Variants in RETSAT observed in about 807,000 individuals in gnomAD.
The protein encoded by RETSAT is retinol saturase.
A neutral mutation model predicts 61.6 loss-of-function variants in RETSAT; 35 were observed. The ratio of observed to expected loss-of-function variants is 0.57; its 90% CI spans 0.43 to 0.75. The LOEUF (loss-of-function observed/expected upper bound fraction) is 0.75. Among genes scored for constraint, RETSAT ranks in the 30% least tolerant of loss-of-function variants. The probability of loss-of-function intolerance (pLI) is 0.00; values close to 1 mark genes in which losing one functional copy is unlikely to be tolerated. For synonymous variants in RETSAT, 277 were observed against 310.4 expected, an observed-to-expected ratio of 0.89 and a Z score of 1.13; for missense variants, 670 against 759.5, an observed-to-expected ratio of 0.88 and a Z score of 1.38.
rs1308326034 is a variant in RETSAT at position 85,342,585 on chromosome 2, A to C, written c.*657T>G. The C allele has an allele frequency of 4.0e-5, 6 of 151,730 alleles. No individual in the cohort carries two copies. Among genetic ancestry groups the C allele is most frequent in the African/African-American group, 1.5e-4 (6 of 41,136 alleles). The allele number at this position is 151,730 out of a possible 1,614,324, so 9.4% of individuals were successfully genotyped here. On this transcript the variant is annotated 3_prime_UTR_variant, in exon 11 of 11. Coordinates refer to ENST00000295802, the MANE Select transcript of RETSAT (RefSeq NM_017750.4). The stretch of plus-strand genomic sequence containing the variant: ...GACCCGGGACTTCCATATGAATTGG[A>C]TATGATCATCTGACATGCACCCTAC...
At chr2:85,344,826 CTG>C in intron 6 of RETSAT, 94 bp from the exon 7 acceptor site, 4 of 1,418,652 alleles carry the variant, frequency 2.8e-6, no homozygotes, top group South Asian at 1.4e-5. Context: ...GCTCTGGCAC[CTG>C]CCTGAGGCAT....
Position 85,351,127 on chromosome 2 carries a change from C to T in RETSAT, c.356-106G>A, listed in dbSNP as rs1683291687. ...AGAGTTTATCTGGCCTGGCCAAGTT[C>T]ACGCCCAGAGTGAGCTGCTCACTCT... On this transcript the variant is annotated intron_variant, in intron 2 of 10. Coordinates refer to ENST00000295802, the MANE Select transcript of RETSAT (RefSeq NM_017750.4). 5.0e-6 allele frequency: 7 copies of T among 1,397,272 alleles called. No homozygotes were observed. The Admixed American group carries it at 1.1e-4, about 22-fold the overall frequency. 86.6% of individuals were successfully genotyped at this position (1,397,272 alleles called of 1,614,324 possible).
At position 85,343,380 on chromosome 2, in the gene RETSAT, G is replaced by A; in HGVS notation, c.1695C>T (p.Gly565=). Residue 565 remains glycine (G), a splice_region_variant and synonymous_variant, in exon 11 of 11, where the codon GGC becomes GGT. Coordinates refer to ENST00000295802, the MANE Select transcript of RETSAT (RefSeq NM_017750.4). The stretch of plus-strand genomic sequence containing the variant: ...CCAGTCCACAGGTGAAGATATCCTG[G>A]CCTAGGAGGCAAGAGCAGAGGCCCC... ...QSPIPNLYLT[G]QDIFTCGLVG... is the part of the protein sequence containing the mutation. The A allele has an allele frequency of 6.2e-7, 1 of 1,611,614 alleles. No individual in the cohort carries two copies.
At chr2:85,343,411 G>A (rs374913770) in intron 10 of RETSAT, 30 bp from the exon 11 acceptor site, 27 of 1,601,506 alleles carry the variant, frequency 1.7e-5, no homozygotes, top group East Asian at 1.3e-4. Flanking sequence ...GCCCCTGAGC[G>A]TGCACCCAGG....
At chr2:85,349,879 TC>T in intron 4 of RETSAT, 160 bp downstream of exon 4, 1 of 676,860 alleles carries the variant, frequency 1.5e-6, no homozygotes, top group Non-Finnish European at 2.5e-6. Context: ...GACCAAGGAG[TC>T]CAGCAGGTGG....
At chr2:85,343,469 G>A in intron 10 of RETSAT, 88 bp from the exon 11 acceptor site, 1 of 1,548,666 alleles carries the variant, frequency 6.5e-7, no homozygotes, top group South Asian at 1.2e-5. Context: ...TCCACATGAG[G>A]GCCACCCAGA....
chr2:85,347,505 G>A (rs914087891), intron 5 of RETSAT, among the ~76,000 whole-genome samples: 5 of 151,880 alleles, frequency 3.3e-5, no homozygotes, highest in Admixed American at 3.3e-4. Context: ...GGGATTACAG[G>A]CGTGAGCCAC....
chr2:85,352,410 A>AT (rs922200984), intron 1 of RETSAT, among the ~76,000 whole-genome samples: 21 of 148,076 alleles, frequency 1.4e-4, no homozygotes, highest in East Asian at 7.9e-4. Context: ...CGCCCGGCTA[A>AT]TTTTTTTTTT....
chr2:85,344,794 C>T (rs1683161781), intron 6 of RETSAT, 62 bp from the exon 7 acceptor site: 4 of 1,576,966 alleles, frequency 2.5e-6, no homozygotes, highest in Non-Finnish European at 3.5e-6. Context: ...CTCCTTGCTC[C>T]CAGGAGAGCC....
rs1683272536 is a variant in RETSAT, at chr2:85,350,106, C to T, written c.733G>A (p.Val245Ile). Residue 245 changes from valine to isoleucine, a missense_variant, in exon 4 of 11, where the codon GTC (valine) becomes ATC (isoleucine). Coordinates refer to ENST00000295802, the MANE Select transcript of RETSAT (RefSeq NM_017750.4). ...GAGGAGGCCCCCAGCTGCTGCAGGA[C>T]CTCAGCCAGGCTCTGGGTGGATGCT... ...LQASTQSLAE[V>I]LQQLGASSEL... 1 of 1,613,980 alleles carries T rather than the reference C, an allele frequency of 6.2e-7. No individual in the cohort carries two copies. Among genetic ancestry groups the T allele is most frequent in the Non-Finnish European group, 8.5e-7 (1 of 1,180,034 alleles).
At chr2:85,349,063 T>G (rs116178396) in intron 5 of RETSAT, among the ~76,000 whole-genome samples, 1,885 of 151,828 alleles carry the variant, frequency 0.012, 49 homozygotes, top group African/African-American at 0.043. Context: ...TTTTGTTTTT[T>G]TTTTTTTAAA....
At position 85,344,682 on chromosome 2, in the gene RETSAT, C is replaced by T; in HGVS notation, c.1168G>A (p.Val390Ile). The T allele has an allele frequency of 6.2e-7, 1 of 1,614,148 alleles. No individual in the cohort carries two copies. The highest frequency in any genetic ancestry group is 8.5e-7 in the Non-Finnish European group (1 of 1,180,024). The change falls in exon 7 of 11, where the codon GTT becomes ATT. Residue 390 changes from valine to isoleucine, a missense_variant. By Grantham distance (29) the Val-to-Ile change is conservative (BLOSUM62 3). Coordinates refer to ENST00000295802, the MANE Select transcript of RETSAT (RefSeq NM_017750.4). Reference protein sequence around the residue: ...TVRPGLGMTSVFICLRGTKED... With the variant: ...TVRPGLGMTSIFICLRGTKED... Reference sequence around the variant, plus strand: ...TTGGTGCCTCGCAGGCAGATGAAAACAGAGGTCATGCCTAAGCCGGGCCGC... The same window carrying T: ...TTGGTGCCTCGCAGGCAGATGAAAATAGAGGTCATGCCTAAGCCGGGCCGC...
rs1663667502 is a variant in RETSAT at position 85,344,588 on chromosome 2, C to T, written c.1256+6G>A. On this transcript the variant is annotated splice_donor_region_variant and intron_variant, in intron 7 of 10. Coordinates refer to ENST00000295802, the MANE Select transcript of RETSAT (RefSeq NM_017750.4). The stretch of plus-strand genomic sequence containing the variant: ...CCACACACATACACACACACGTGCA[C>T]CTTACGCCTGGTCCATGTCCGTGTC... 1.2e-6 allele frequency: 2 copies of T among 1,613,916 alleles called. No individual in the cohort carries two copies. Among genetic ancestry groups the T allele is most frequent in the Admixed American group, 1.7e-5 (1 of 59,996 alleles).
Position 85,350,971 on chromosome 2 carries a change from A to G in RETSAT, c.406T>C (p.Leu136=). Residue 136 remains leucine (L), a synonymous_variant, in exon 3 of 11, where the codon TTG becomes CTG. Transcript: ENST00000295802. The part of the protein sequence containing the change: ...MEEGSIGRFI[L]DQITEGQLDW... ...AGCTGCCCTTCAGTGATCTGGTCCA[A>G]GATAAAACGGCCAATGCTGCCCTCT... The G allele has an allele frequency of 6.2e-7, 1 of 1,614,180 alleles. No homozygotes were observed. Among genetic ancestry groups the G allele is most frequent in the Non-Finnish European group, 8.5e-7 (1 of 1,180,040 alleles).
chr2:85,354,140 G>A (rs868861248), intron 1 of RETSAT, among the ~76,000 whole-genome samples, 196 bp downstream of exon 1: 1 of 152,238 alleles, frequency 6.6e-6, no homozygotes, highest in African/African-American at 2.4e-5. Flanking sequence ...TATTCCCGGG[G>A]CCTACTAGGG....
At position 85,342,554 on chromosome 2, in the gene RETSAT, A is replaced by C. The variant is rs1395916749; in HGVS notation, c.*688T>G. ...ACCAGCTGCCACCCCGATGATAAGGAAGACAGACCCGGGACTTCCATATGA... is the reference window on the plus strand; with the variant it reads ...ACCAGCTGCCACCCCGATGATAAGGCAGACAGACCCGGGACTTCCATATGA... On this transcript the variant is annotated 3_prime_UTR_variant, in exon 11 of 11. Coordinates refer to ENST00000295802, the MANE Select transcript of RETSAT (RefSeq NM_017750.4). 1 of 152,456 alleles carries C rather than the reference A, an allele frequency of 6.6e-6. No homozygotes were observed. The highest frequency in any genetic ancestry group is 2.4e-5 in the African/African-American group (1 of 41,424). The allele number at this position is 152,456 out of a possible 1,614,324, so 9.4% of individuals were successfully genotyped here.
At chr2:85,351,656 A>C in intron 2 of RETSAT, 24 bp downstream of exon 2, 1 of 1,607,720 alleles carries the variant, frequency 6.2e-7, no homozygotes. Flanking sequence ...CCATGCTCCC[A>C]ACCCTTTTCC....
intron 5 of RETSAT, among the ~76,000 whole-genome samples, chr2:85,347,454 C>T (rs1403250611): frequency 1.3e-5 from 2 of 152,198 alleles, no homozygotes; most frequent in Non-Finnish European, 2.9e-5. Flanking sequence ...GTCTCGAACT[C>T]CTGACCTTGT....
chr2:85,345,400 G>A, intron 6 of RETSAT: 1 of 194,230 alleles, frequency 5.1e-6, no homozygotes. Context: ...TCCTTCCCCT[G>A]CTCTCTAGCT....
Sources: gnomAD v4.1 joint callset for allele counts (sites outside exome capture counted in the v4.1 genomes callset) on GRCh38, gnomAD v4.1.1 for gene constraint, MANE v1.5 for transcripts, NCBI Gene and HGNC (gene_info 2026-07-23, HGNC 2026-07-21) for gene names.